ZFHX3: variants seen among roughly 807,000 people sequenced by gnomAD.
The protein encoded by ZFHX3 is zinc finger homeobox protein 3.
Under a neutral mutation model 279.1 loss-of-function variants are expected in ZFHX3, and 42 were observed. The observed-to-expected ratio is 0.15, with a 90% CI of 0.12 to 0.19. The LOEUF (loss-of-function observed/expected upper bound fraction) is 0.19, where lower values mean the gene tolerates loss of function less well. Among genes scored for constraint, ZFHX3 ranks in the 10% least tolerant of loss-of-function variants. The pLI is 1.00. For synonymous variants in ZFHX3, 2,293 were observed against 1,957.8 expected (o/e 1.17, Z -4.52); for missense variants, 4,981 against 4,754.0 (o/e 1.05, Z -1.40).
chr16:73,394,417 T>A (rs2017086109), intron 3 of ZFHX3, among the ~76,000 whole-genome samples: 1 of 152,062 alleles, frequency 6.6e-6, no homozygotes, highest in Non-Finnish European at 1.5e-5. Flanking sequence ...TGCCTCATCC[T>A]CCCAAGTAGC....
At chr16:73,148,353 A>G (rs35459437) in intron 5 of ZFHX3, among the ~76,000 whole-genome samples, 30,177 of 152,196 alleles carry the variant, frequency 0.2, 3,969 homozygotes, top group Middle Eastern at 0.34. Context: ...ATATTTCCCC[A>G]GGAAGCTGAA....
chr16:72,959,077 G>T lies in ZFHX3; in HGVS notation c.1069C>A (p.Leu357Ile). 2 of 1,614,196 alleles carry T rather than the reference G, an allele frequency of 1.2e-6. No homozygotes were observed. The highest frequency in any genetic ancestry group is 1.7e-6 in the Non-Finnish European group (2 of 1,180,038). Residue 357 changes from leucine (L) to isoleucine (I), a missense_variant, in exon 2 of 10, where the codon CTC (leucine) becomes ATC (isoleucine). Coordinates refer to ENST00000268489, the MANE Select transcript of ZFHX3 (RefSeq NM_006885.4). Reference protein sequence around the residue: ...FQHPLVSTANLIGPGHSFYGK... With the variant: ...FQHPLVSTANIIGPGHSFYGK... ...TAAAAACTGTGTCCGGGGCCTATGA[G>T]GTTAGCTGTGGAAACTAAAGGGTGT... is the stretch of plus-strand genomic sequence containing the variant.
intron 1 of ZFHX3, among the ~76,000 whole-genome samples, chr16:73,707,755 A>T (rs1012071782): frequency 1.5e-4 from 6 of 38,718 alleles, no homozygotes; most frequent in East Asian, 2.3e-3. Flanking sequence ...ATAAAATTTA[A>T]AAAAAAAAAC....
At chr16:73,243,926 A>G (rs1016747786) in intron 5 of ZFHX3, among the ~76,000 whole-genome samples, 2 of 152,244 alleles carry the variant, frequency 1.3e-5, no homozygotes, top group Admixed American at 1.3e-4. Context: ...ATGGAGGTTC[A>G]GAGATGGTAG....
intron 1 of ZFHX3, among the ~76,000 whole-genome samples, chr16:73,874,907 A>G (rs568508242): frequency 6.0e-4 from 91 of 152,358 alleles, no homozygotes; most frequent in African/African-American, 2.1e-3. Flanking sequence ...GCAATGGCAT[A>G]TAACTCTGAA....
intron 7 of ZFHX3, among the ~76,000 whole-genome samples, chr16:72,805,731 C>CACTT (rs1271313339): frequency 6.6e-6 from 1 of 152,182 alleles, no homozygotes; most frequent in African/African-American, 2.4e-5. Flanking sequence ...GGTTTCTGCA[C>CACTT]ACTTACAGCC....
intron 2 of ZFHX3, among the ~76,000 whole-genome samples, chr16:73,498,316 T>A (rs78922728): frequency 0.014 from 2,072 of 152,272 alleles, 48 homozygotes; most frequent in African/African-American, 0.047. Context: ...TTGGGGGACA[T>A]GTGGGAGCTT....
intron 1 of ZFHX3, among the ~76,000 whole-genome samples, chr16:73,038,550 T>C (rs1964995271): frequency 6.6e-6 from 1 of 152,206 alleles, no homozygotes; most frequent in Admixed American, 6.5e-5. Context: ...TTCTGAGCGT[T>C]GAGACCAGAA....
chr16:73,273,531 A>AT (rs1398559774), intron 4 of ZFHX3, among the ~76,000 whole-genome samples: 2 of 152,046 alleles, frequency 1.3e-5, no homozygotes, highest in African/African-American at 4.8e-5. Context: ...TAATCTGTCC[A>AT]TTTTTTCTTT....
At chr16:73,421,207 T>G (rs1449926411) in intron 3 of ZFHX3, 1 of 152,236 alleles carries the variant, frequency 6.6e-6, no homozygotes, top group South Asian at 2.1e-4. Flanking sequence ...TCTCTTGGCT[T>G]GAAAATTAAA....
At chr16:73,347,389 C>T (rs2016143455) in intron 3 of ZFHX3, among the ~76,000 whole-genome samples, 2 of 152,204 alleles carry the variant, frequency 1.3e-5, no homozygotes, top group African/African-American at 4.8e-5. Flanking sequence ...GTTGGGATAC[C>T]CAGTCGTGGA....
intron 5 of ZFHX3, among the ~76,000 whole-genome samples, chr16:73,203,215 C>T (rs1023494066): frequency 6.6e-6 from 1 of 152,126 alleles, no homozygotes; most frequent in East Asian, 1.9e-4. Flanking sequence ...CATCAACTGA[C>T]TTTGCATTCC....
chr16:73,672,044 GA>G (rs147887473), intron 2 of ZFHX3, among the ~76,000 whole-genome samples: 16,833 of 149,724 alleles, frequency 0.11, 1,207 homozygotes, highest in African/African-American at 0.2. Flanking sequence ...GATCTGAGGG[GA>G]AAAAAAATAC....
At chr16:73,797,078 C>G (rs762719483) in intron 1 of ZFHX3, among the ~76,000 whole-genome samples, 32 of 152,056 alleles carry the variant, frequency 2.1e-4, no homozygotes, top group Non-Finnish European at 4.3e-4. Context: ...TGGCACATGC[C>G]TGTAATCCCA....
In ZFHX3 at chr16:73,011,650, G is replaced by C. The variant is rs1001285938; in HGVS notation, c.-50+36102C>G. Among the ~76,000 whole-genome samples the C allele has an allele frequency of 2.0e-5, 3 of 151,962 alleles. No individual in the cohort carries two copies. In the East Asian group the frequency reaches 5.8e-4, roughly 29 times the overall value. On this transcript the variant is annotated intron_variant, in intron 1 of 9. Transcript: ENST00000268489. ...GAGGCAGGAGAATCACTTGAACCTAGAGGCAGAGGTCGCAGTGCATGGATA... is the reference window on the plus strand; with the variant it reads ...GAGGCAGGAGAATCACTTGAACCTACAGGCAGAGGTCGCAGTGCATGGATA...
At chr16:73,463,709 G>A (rs1279955996) in intron 2 of ZFHX3, among the ~76,000 whole-genome samples, 1 of 151,994 alleles carries the variant, frequency 6.6e-6, no homozygotes, top group Non-Finnish European at 1.5e-5. Flanking sequence ...TTCCAGATTC[G>A]CTGGCCCTCA....
chr16:73,890,213 G>A (rs1192130345), intron 1 of ZFHX3, among the ~76,000 whole-genome samples: 1 of 137,110 alleles, frequency 7.3e-6, no homozygotes, highest in Non-Finnish European at 1.5e-5. Flanking sequence ...TTTTCTTCTT[G>A]TAATTGTAAG....
intron 1 of ZFHX3, among the ~76,000 whole-genome samples, chr16:73,032,733 A>G (rs1325900767): frequency 6.6e-6 from 1 of 151,912 alleles, no homozygotes; most frequent in Non-Finnish European, 1.5e-5. Flanking sequence ...CTTGCAAAGG[A>G]CTTTCTTTTC....
intron 5 of ZFHX3, among the ~76,000 whole-genome samples, chr16:73,249,185 A>G (rs2013405877): frequency 6.6e-6 from 1 of 152,206 alleles, no homozygotes; most frequent in Non-Finnish European, 1.5e-5. Flanking sequence ...TAATTCCCCT[A>G]CATGTTTTTG....
Sources: gnomAD v4.1 joint callset for allele counts (sites outside exome capture counted in the v4.1 genomes callset) on GRCh38, gnomAD v4.1.1 for gene constraint, MANE v1.5 for transcripts, NCBI Gene and HGNC (gene_info 2026-07-23, HGNC 2026-07-21) for gene names.